Variants in ADA observed in about 807,000 individuals in gnomAD.
The protein encoded by ADA is adenosine deaminase.
ADA carries 45 observed loss-of-function variants against 49.0 expected under a neutral mutation model. The ratio of observed to expected loss-of-function variants is 0.92; its 90% CI spans 0.72 to 1.18. The LOEUF is 1.18. Among genes scored for constraint, ADA ranks in the 50% most tolerant of loss-of-function variants. The pLI, the probability that ADA is intolerant of heterozygous loss-of-function variation, is 0.00. For missense variants in ADA, 445 were observed against 472.5 expected (o/e 0.94, Z 0.54); for synonymous variants, 173 against 184.2 (o/e 0.94, Z 0.49).
chr20:44,627,965 A>G (rs187367767), intron 3 of ADA, among the ~76,000 whole-genome samples: 79 of 152,372 alleles, frequency 5.2e-4, no homozygotes, highest in African/African-American at 1.9e-3. Context: ...CAAATGCTCA[A>G]AACATTTTCG....
intron 1 of ADA, among the ~76,000 whole-genome samples, chr20:44,651,281 C>T (rs1189819028): frequency 2.0e-5 from 3 of 152,230 alleles, no homozygotes; most frequent in African/African-American, 7.2e-5. Flanking sequence ...TGCCCAGGCC[C>T]ACACAGCGCT....
chr20:44,629,003 G>C (rs1229398692), intron 3 of ADA, 44 bp downstream of exon 3: 3 of 1,613,756 alleles, frequency 1.9e-6, no homozygotes. Flanking sequence ...CCTAGTCATA[G>C]GGATCAATGC....
chr20:44,624,943 AG>A (rs1261790528), intron 5 of ADA, among the ~76,000 whole-genome samples: 1 of 152,262 alleles, frequency 6.6e-6, no homozygotes, highest in Non-Finnish European at 1.5e-5. Flanking sequence ...AAGCAATGGT[AG>A]TTCTGCTTTG....
intron 5 of ADA, among the ~76,000 whole-genome samples, chr20:44,625,136 C>A (rs946162219): frequency 6.6e-6 from 1 of 152,132 alleles, no homozygotes; most frequent in Non-Finnish European, 1.5e-5. Context: ...AGGCTGTGCA[C>A]CATGAGGCAC....
Position 44,626,493 on chromosome 20 carries a change from T to C in ADA, c.325A>G (p.Asn109Asp), listed in dbSNP as rs1163585601. Residue 109 changes from asparagine to aspartate, a missense_variant, in exon 4 of 12, where the codon AAC (asparagine) becomes GAC (aspartate). By Grantham distance (23) the Asn-to-Asp change is conservative. Transcript: ENST00000372874. ...EVRYSPHLLA[N>D]SKVEPIPWNQ... ...CAGGGGATTGGCTCCACTTTGGAGT[T>C]GGCCAGCAGGTGCGGACTGTACCGC... The C allele has an allele frequency of 1.2e-6, 2 of 1,614,004 alleles. No homozygotes were observed. Among genetic ancestry groups the C allele is most frequent in the African/African-American group, 2.7e-5 (2 of 74,934 alleles).
intron 2 of ADA, among the ~76,000 whole-genome samples, chr20:44,631,259 C>G (rs757474941): frequency 1.3e-5 from 2 of 152,184 alleles, no homozygotes; most frequent in Non-Finnish European, 2.9e-5. Flanking sequence ...GCCCACCAGC[C>G]TGCTAGTCAG....
In ADA at chr20:44,636,282, G is replaced by A; in HGVS notation, c.40C>T (p.Leu14=). Residue 14 remains leucine (L), a synonymous_variant, in exon 2 of 12, where the codon CTG becomes TTG. Transcript: ENST00000372874. ...ATGGATCCGTCTAGGTGGACATGCA[G>A]TTCCACCTGCAAGGGGGCAGGGGGA... The part of the protein sequence containing the change: ...TPAFDKPKVE[L]HVHLDGSIKP... 1.2e-6 allele frequency: 2 copies of A among 1,607,282 alleles called. No individual in the cohort carries two copies. The highest frequency in any genetic ancestry group is 1.7e-6 in the Non-Finnish European group (2 of 1,176,204).
At position 44,621,142 on chromosome 20, in the gene ADA, T is replaced by C; in HGVS notation, c.851A>G (p.Lys284Arg). Reference sequence around the variant, plus strand: ...GAGCGAGTAGTTAGCCTGGTCATTTTTGAGCCTGCAGAAGAGGGAGGAGGA... The same window carrying C: ...GAGCGAGTAGTTAGCCTGGTCATTTCTGAGCCTGCAGAAGAGGGAGGAGGA... The part of the protein sequence containing the change: ...PDTEHAVIRL[K>R]NDQANYSLNT... The change falls in exon 10 of 12, where the codon AAA becomes AGA. Residue 284 changes from lysine (K) to arginine (R), a missense_variant. Lys to Arg is a conservative substitution (Grantham distance 26). Transcript: ENST00000372874. 2 of 1,614,128 alleles carry C rather than the reference T, an allele frequency of 1.2e-6. No individual in the cohort carries two copies. The highest frequency in any genetic ancestry group is 1.7e-6 in the Non-Finnish European group (2 of 1,180,022).
At chr20:44,635,329 T>C (rs2065470403) in intron 2 of ADA, among the ~76,000 whole-genome samples, 1 of 152,192 alleles carries the variant, frequency 6.6e-6, no homozygotes, top group South Asian at 2.1e-4. Context: ...CCGTGACTCC[T>C]AGCAGGTTAT....
intron 1 of ADA, among the ~76,000 whole-genome samples, chr20:44,648,836 C>T (rs776161118): frequency 6.6e-6 from 1 of 151,954 alleles, no homozygotes; most frequent in African/African-American, 2.4e-5. Context: ...GGCCCCAACC[C>T]GACCCACACA....
At chr20:44,632,646 C>T (rs1442483986) in intron 2 of ADA, among the ~76,000 whole-genome samples, 1 of 152,156 alleles carries the variant, frequency 6.6e-6, no homozygotes, top group African/African-American at 2.4e-5. Flanking sequence ...TGTCCCTGGC[C>T]ACCCACACAA....
intron 1 of ADA, among the ~76,000 whole-genome samples, chr20:44,643,545 G>A (rs2065557704): frequency 1.3e-5 from 2 of 152,170 alleles, no homozygotes; most frequent in South Asian, 2.1e-4. Flanking sequence ...GGCTAAGCCC[G>A]GAGAAGTTCA....
intron 1 of ADA, among the ~76,000 whole-genome samples, chr20:44,642,143 GTT>G (rs1199329415): frequency 6.6e-6 from 1 of 152,204 alleles, no homozygotes; most frequent in Non-Finnish European, 1.5e-5. Flanking sequence ...AATTGGCAAT[GTT>G]CAGAGTGGAA....
chr20:44,642,310 T>A (rs553009047), intron 1 of ADA, among the ~76,000 whole-genome samples: 2 of 152,354 alleles, frequency 1.3e-5, no homozygotes, highest in Admixed American at 1.3e-4. Flanking sequence ...TAGCCTCTCC[T>A]GCCTCAGAAT....
chr20:44,619,812 A>G lies in ADA; in HGVS notation c.*22T>C, dbSNP rs2065310256. 6.2e-7 allele frequency: 1 copy of G among 1,614,054 alleles called. No homozygotes were observed. The highest frequency in any genetic ancestry group is 1.3e-5 in the African/African-American group (1 of 74,938). Reference sequence around the variant, plus strand: ...AGAGTTGGGGTGACTCCACAGGGTGAAGGCTTGGAGGAGTGGCGTCTTCAG... The same window carrying G: ...AGAGTTGGGGTGACTCCACAGGGTGGAGGCTTGGAGGAGTGGCGTCTTCAG... On this transcript the variant is annotated 3_prime_UTR_variant, in exon 12 of 12. Coordinates refer to ENST00000372874, the MANE Select transcript of ADA (RefSeq NM_000022.4).
chr20:44,644,579 C>T (rs977248642), intron 1 of ADA, among the ~76,000 whole-genome samples: 3 of 152,228 alleles, frequency 2.0e-5, no homozygotes, highest in Non-Finnish European at 4.4e-5. Flanking sequence ...AATGTCCCCT[C>T]CCTCCCTAGC....
In ADA at chr20:44,636,292, C is replaced by CA; in HGVS notation, c.34-5dup. 6.2e-7 allele frequency: 1 copy of CA among 1,600,176 alleles called. No individual in the cohort carries two copies. The highest frequency in any genetic ancestry group is 2.2e-5 in the East Asian group (1 of 44,758). The stretch of plus-strand genomic sequence containing the variant: ...CTAGGTGGACATGCAGTTCCACCTG[C>CA]AAGGGGGCAGGGGGAAGAGAGAGAG... On this transcript the variant is annotated splice_polypyrimidine_tract_variant and splice_region_variant and intron_variant, in intron 1 of 11. Transcript: ENST00000372874.
chr20:44,642,407 G>A (rs2065544759), intron 1 of ADA, among the ~76,000 whole-genome samples: 1 of 152,212 alleles, frequency 6.6e-6, no homozygotes. Context: ...ATCACACTGG[G>A]GTGGGGGCAA....
rs148785262 is a variant in ADA at position 44,629,051 on chromosome 20, T to C, written c.214A>G (p.Ile72Val). Residue 72 changes from isoleucine to valine, a missense_variant, in exon 3 of 12, where the codon ATC becomes GTC. Ile to Val is a conservative substitution (Grantham distance 29, BLOSUM62 3). Transcript: ENST00000372874. ...LAKFDYYMPA[I>V]AGCREAIKRI... ...TGTGGGTTGGGGGCAACTCACGCGA[T>C]AGCAGGCATGTAGTAGTCAAACTTG... The C allele has an allele frequency of 2.5e-6, 4 of 1,614,040 alleles. No homozygotes were observed. Among genetic ancestry groups the C allele is most frequent in the Non-Finnish European group, 3.4e-6 (4 of 1,180,034 alleles).
Sources: gnomAD v4.1 joint callset for allele counts (sites outside exome capture counted in the v4.1 genomes callset) on GRCh38, gnomAD v4.1.1 for gene constraint, MANE v1.5 for transcripts, NCBI Gene and HGNC (gene_info 2026-07-23, HGNC 2026-07-21) for gene names.